Variants in ARHGAP42 observed in about 807,000 individuals in gnomAD.
ARHGAP42 encodes rho GTPase-activating protein 42.
In ARHGAP42, 63 loss-of-function variants were observed where a neutral mutation model predicts 125.0. The ratio of observed to expected loss-of-function variants is 0.50; its 90% CI spans 0.41 to 0.62. ARHGAP42 has a LOEUF of 0.62. Ranked by LOEUF, ARHGAP42 falls within the 20% of genes least tolerant of loss-of-function variation. ARHGAP42 has a pLI of 0.00. For synonymous variants in ARHGAP42, 339 were observed against 351.0 expected (o/e 0.97, Z 0.38); for missense variants, 766 against 1,024.2 (o/e 0.75, Z 3.44).
At chr11:100,773,609 C>T (rs1236383174) in intron 2 of ARHGAP42, among the ~76,000 whole-genome samples, 3 of 152,166 alleles carry the variant, frequency 2.0e-5, no homozygotes, top group Non-Finnish European at 4.4e-5. Flanking sequence ...GTAGTAACTG[C>T]AGACGTAGGG....
At chr11:100,701,534 T>C (rs1479666253) in intron 1 of ARHGAP42, among the ~76,000 whole-genome samples, 2 of 152,274 alleles carry the variant, frequency 1.3e-5, no homozygotes, top group African/African-American at 4.8e-5. Context: ...CTGCAGCGTC[T>C]ACATTAGCAC....
Position 100,943,839 on chromosome 11 carries a change from A to T in ARHGAP42, c.1014A>T (p.Arg338=). 1 of 1,548,686 alleles carries T rather than the reference A, an allele frequency of 6.5e-7. No homozygotes were observed. The highest frequency in any genetic ancestry group is 8.7e-7 in the Non-Finnish European group (1 of 1,145,156). Residue 338 remains arginine, a synonymous_variant, in exon 10 of 24, where the codon CGA becomes CGT. Transcript: ENST00000298815. ...GAAAGACAGATTCAATTGACAAACG[A>T]TTCTGCTTTGACATAGAAGTAGTTG... The part of the protein sequence containing the change: ...IRRKTDSIDK[R]FCFDIEVVER...
chr11:100,892,504 T>G (rs1866244013), intron 4 of ARHGAP42, among the ~76,000 whole-genome samples: 7 of 152,150 alleles, frequency 4.6e-5, no homozygotes, highest in Admixed American at 4.6e-4. Context: ...TGCTGTAAAA[T>G]CTGGTGGGTT....
intron 12 of ARHGAP42, 107 bp from the exon 13 acceptor site, chr11:100,959,776 A>G: frequency 9.6e-7 from 1 of 1,045,750 alleles, no homozygotes; most frequent in Non-Finnish European, 1.4e-6. Flanking sequence ...AAGACTCAGA[A>G]AAAACCTCTC....
At chr11:100,943,586 G>A (rs1867938508) in intron 9 of ARHGAP42, among the ~76,000 whole-genome samples, 173 bp from the exon 10 acceptor site, 1 of 152,074 alleles carries the variant, frequency 6.6e-6, no homozygotes, top group African/African-American at 2.4e-5. Context: ...ATGGTTTTAT[G>A]TATTATGATC....
At chr11:100,758,532 C>A (rs1036879463) in intron 1 of ARHGAP42, among the ~76,000 whole-genome samples, 2 of 152,148 alleles carry the variant, frequency 1.3e-5, no homozygotes, top group Non-Finnish European at 2.9e-5. Context: ...CTGGCAGGCA[C>A]TGTGGCTGCA....
At chr11:100,714,768 G>C (rs746591673) in intron 1 of ARHGAP42, among the ~76,000 whole-genome samples, 5 of 152,028 alleles carry the variant, frequency 3.3e-5, no homozygotes, top group Non-Finnish European at 7.4e-5. Flanking sequence ...CAGTGGTAAC[G>C]CCTATAATCC....
At chr11:100,700,820 T>G (rs1591114911) in intron 1 of ARHGAP42, among the ~76,000 whole-genome samples, 2 of 152,234 alleles carry the variant, frequency 1.3e-5, no homozygotes, top group Admixed American at 1.3e-4. Context: ...TTTTCCAGAC[T>G]TCTATTAATG....
intron 2 of ARHGAP42, among the ~76,000 whole-genome samples, chr11:100,787,316 C>CT (rs1444275187): frequency 2.0e-5 from 3 of 152,022 alleles, no homozygotes; most frequent in African/African-American, 7.2e-5. Flanking sequence ...TATGTGCACT[C>CT]TATCTCCTGC....
At chr11:100,898,763 T>G (rs1292657206) in intron 4 of ARHGAP42, among the ~76,000 whole-genome samples, 1 of 152,200 alleles carries the variant, frequency 6.6e-6, no homozygotes, top group African/African-American at 2.4e-5. Context: ...TAGTGGTCTA[T>G]CAATTTTGTT....
intron 3 of ARHGAP42, among the ~76,000 whole-genome samples, chr11:100,848,242 A>G (rs1455513810): frequency 6.6e-6 from 1 of 152,150 alleles, no homozygotes; most frequent in Non-Finnish European, 1.5e-5. Flanking sequence ...GAGAACGTGC[A>G]TTTTTCCCTC....
chr11:100,916,226 T>C (rs1320316975), intron 5 of ARHGAP42, among the ~76,000 whole-genome samples: 1 of 152,220 alleles, frequency 6.6e-6, no homozygotes, highest in African/African-American at 2.4e-5. Flanking sequence ...AAAGGAGTAA[T>C]ATTTGTTATG....
chr11:100,948,625 C>A, intron 11 of ARHGAP42, 90 bp downstream of exon 11: 3 of 1,000,474 alleles, frequency 3.0e-6, no homozygotes, highest in Non-Finnish European at 4.3e-6. Flanking sequence ...CAATGTTTTG[C>A]CTGTAGTATA....
rs911198692 is a variant in ARHGAP42 at position 100,710,015 on chromosome 11, C to CG, written c.154+22190dup. Among the ~76,000 whole-genome samples the CG allele has an allele frequency of 1.1e-3, 167 of 152,012 alleles. 1 individual carries two copies. Among genetic ancestry groups the CG allele is most frequent in the African/African-American group, 3.4e-3 (142 of 41,446 alleles). ...ATTGCACTTGGGAATTCAGCGGGGT[C>CG]GGGGGGGCATCTGCTGAACTTAACT... On this transcript the variant is annotated intron_variant, in intron 1 of 23. Transcript: ENST00000298815.
intron 3 of ARHGAP42, among the ~76,000 whole-genome samples, chr11:100,807,974 T>G (rs1218527447): frequency 6.6e-6 from 1 of 152,222 alleles, no homozygotes; most frequent in African/African-American, 2.4e-5. Flanking sequence ...ACAAAGATAC[T>G]TTGATAATAT....
At chr11:100,813,056 G>A (rs1469776291) in intron 3 of ARHGAP42, among the ~76,000 whole-genome samples, 1 of 152,126 alleles carries the variant, frequency 6.6e-6, no homozygotes, top group African/African-American at 2.4e-5. Context: ...GGAAGTGGTA[G>A]AAGTGTTCAG....
intron 3 of ARHGAP42, among the ~76,000 whole-genome samples, chr11:100,845,227 T>A (rs981660072): frequency 6.6e-6 from 1 of 152,160 alleles, no homozygotes; most frequent in Non-Finnish European, 1.5e-5. Flanking sequence ...GAGACTATTA[T>A]TCTAAGTGAA....
intron 4 of ARHGAP42, among the ~76,000 whole-genome samples, chr11:100,903,930 G>A (rs1285648908): frequency 2.6e-5 from 4 of 151,646 alleles, no homozygotes; most frequent in African/African-American, 7.3e-5. Context: ...TAGGCTGGGA[G>A]ACTAGGCCTG....
chr11:100,914,336 CATCT>C (rs146528736), intron 5 of ARHGAP42, among the ~76,000 whole-genome samples: 3,616 of 152,178 alleles, frequency 0.024, 63 homozygotes, highest in African/African-American at 0.029. Flanking sequence ...TTGTTTCTTC[CATCT>C]GTCTGAAATA....
Sources: gnomAD v4.1 joint callset for allele counts (sites outside exome capture counted in the v4.1 genomes callset) on GRCh38, gnomAD v4.1.1 for gene constraint, MANE v1.5 for transcripts, NCBI Gene and HGNC (gene_info 2026-07-23, HGNC 2026-07-21) for gene names.